PXDNL: variants seen among roughly 807,000 people sequenced by gnomAD.
PXDNL encodes probable oxidoreductase PXDNL.
In PXDNL, 145 loss-of-function variants were observed where a neutral mutation model predicts 150.8. The observed-to-expected ratio is 0.96, with a 90% CI of 0.84 to 1.10. The LOEUF (loss-of-function observed/expected upper bound fraction) is 1.10. PXDNL is among the 50% of genes least tolerant of loss of function. The probability of loss-of-function intolerance (pLI) is 0.00; values close to 1 mark genes in which losing one functional copy is unlikely to be tolerated. For synonymous variants in PXDNL, 757 were observed against 725.7 expected, an observed-to-expected ratio of 1.04 and a Z score of -0.69; for missense variants, 2,087 against 1,873.9, an observed-to-expected ratio of 1.11 and a Z score of -2.10.
Position 51,320,009 on chromosome 8 carries a change from G to A in PXDNL, c.4274C>T (p.Thr1425Ile), listed in dbSNP as rs1805269681. 1 of 1,538,652 alleles carries A rather than the reference G, an allele frequency of 6.5e-7. No homozygotes were observed. Among genetic ancestry groups the A allele is most frequent in the Admixed American group, 2.1e-5 (1 of 48,276 alleles). ...CGGGGGACAAATCTCCACCACACAG[G>A]TGACCTGGCCACTCTGAAAGGCAGC... ...THCICESGQV[T>I]CVVEICPPAP... is the part of the protein sequence containing the mutation. Residue 1425 changes from threonine to isoleucine, a missense_variant, in exon 23 of 23, where the codon ACC becomes ATC. By Grantham distance (89) the Thr-to-Ile change is moderately conservative. Transcript: ENST00000356297.
chr8:51,793,369 A>C (rs1414612377), intron 1 of PXDNL, among the ~76,000 whole-genome samples: 1 of 152,234 alleles, frequency 6.6e-6, no homozygotes, highest in African/African-American at 2.4e-5. Context: ...AATATCACTC[A>C]TGAAGATGAG....
intron 1 of PXDNL, among the ~76,000 whole-genome samples, chr8:51,693,329 A>T (rs533890189): frequency 2.6e-5 from 4 of 152,342 alleles, no homozygotes; most frequent in Admixed American, 1.3e-4. Flanking sequence ...CTACCAGTGT[A>T]TGCTGTCATT....
intron 2 of PXDNL, among the ~76,000 whole-genome samples, chr8:51,642,629 C>T (rs1190063626): frequency 6.6e-6 from 1 of 152,142 alleles, no homozygotes; most frequent in African/African-American, 2.4e-5. Flanking sequence ...TGAAAACTGG[C>T]ACAAGACAGG....
intron 1 of PXDNL, among the ~76,000 whole-genome samples, chr8:51,660,895 A>G (rs903917263): frequency 1.3e-5 from 2 of 152,060 alleles, no homozygotes; most frequent in Admixed American, 6.5e-5. Context: ...CACTCCAATC[A>G]GCCCTGCTCC....
At chr8:51,482,402 A>G (rs1234689845) in intron 6 of PXDNL, among the ~76,000 whole-genome samples, 5 of 152,198 alleles carry the variant, frequency 3.3e-5, no homozygotes, top group African/African-American at 1.2e-4. Context: ...GCTCATAGGC[A>G]GAAGGGACTT....
intron 13 of PXDNL, 93 bp from the exon 14 acceptor site, chr8:51,423,824 G>T (rs1809019976): frequency 8.6e-7 from 1 of 1,163,612 alleles, no homozygotes; most frequent in African/African-American, 1.6e-5. Flanking sequence ...TTATTCAACA[G>T]ATATCTATTG....
chr8:51,700,527 GAC>G (rs1326252745), intron 1 of PXDNL, among the ~76,000 whole-genome samples: 5 of 146,986 alleles, frequency 3.4e-5, no homozygotes, highest in African/African-American at 7.7e-5. Context: ...TATATACACA[GAC>G]ACACACAAAT....
At chr8:51,331,519 C>T (rs1253349240) in intron 21 of PXDNL, among the ~76,000 whole-genome samples, 1 of 152,208 alleles carries the variant, frequency 6.6e-6, no homozygotes, top group Non-Finnish European at 1.5e-5. Context: ...GGCTTACAGA[C>T]ATCACAGGCA....
chr8:51,382,157 A>G (rs1204418500), intron 17 of PXDNL, among the ~76,000 whole-genome samples: 1 of 152,116 alleles, frequency 6.6e-6, no homozygotes, highest in Non-Finnish European at 1.5e-5. Context: ...TATCTTTAAA[A>G]GGGCAGTTTG....
intron 1 of PXDNL, among the ~76,000 whole-genome samples, chr8:51,696,805 T>TCACACACACACA (rs769772282): frequency 1.5e-4 from 4 of 26,424 alleles, no homozygotes; most frequent in African/African-American, 9.6e-4. Flanking sequence ...ACATAGGTCT[T>TCACACACACACA]CACACACACA....
At chr8:51,447,257 C>A in intron 11 of PXDNL, 95 bp from the exon 12 acceptor site, 1 of 1,351,822 alleles carries the variant, frequency 7.4e-7, no homozygotes, top group Non-Finnish European at 1.0e-6. Flanking sequence ...GCCTGTCTTT[C>A]AGGAAATTCT....
At chr8:51,621,440 GTGTGTGTC>G (rs1247230566) in intron 2 of PXDNL, among the ~76,000 whole-genome samples, 125 of 125,078 alleles carry the variant, frequency 1.0e-3, no homozygotes, top group Non-Finnish European at 1.3e-3. Context: ...GAATGAGTGT[GTGTGTGTC>G]TGTGTGTGTG....
At chr8:51,410,185 A>C (rs1381308355) in intron 16 of PXDNL, among the ~76,000 whole-genome samples, 1 of 152,232 alleles carries the variant, frequency 6.6e-6, no homozygotes, top group Non-Finnish European at 1.5e-5. Flanking sequence ...TTTCTGAACT[A>C]CTATAAGCTG....
intron 1 of PXDNL, among the ~76,000 whole-genome samples, chr8:51,700,186 CA>C (rs1563511427): frequency 8.1e-4 from 122 of 151,234 alleles, no homozygotes; most frequent in African/African-American, 2.8e-3. Flanking sequence ...CACACACACA[CA>C]CACACACACC....
intron 11 of PXDNL, among the ~76,000 whole-genome samples, chr8:51,448,456 G>C (rs1809730059): frequency 6.6e-6 from 1 of 152,198 alleles, no homozygotes; most frequent in African/African-American, 2.4e-5. Context: ...TGCAATCCCA[G>C]AACTTTGGGA....
At chr8:51,647,396 G>A (rs1814942058) in intron 2 of PXDNL, among the ~76,000 whole-genome samples, 1 of 152,156 alleles carries the variant, frequency 6.6e-6, no homozygotes, top group Admixed American at 6.6e-5. Context: ...GGTGAGTGAT[G>A]GTAATTGTGC....
intron 1 of PXDNL, among the ~76,000 whole-genome samples, chr8:51,677,491 G>T (rs1258522390): frequency 1.3e-5 from 2 of 152,184 alleles, no homozygotes; most frequent in African/African-American, 2.4e-5. Flanking sequence ...TGCATAAAAT[G>T]ACTCAATCCA....
intron 8 of PXDNL, among the ~76,000 whole-genome samples, chr8:51,460,891 C>A (rs1810062851): frequency 6.6e-6 from 1 of 152,194 alleles, no homozygotes; most frequent in South Asian, 2.1e-4. Flanking sequence ...CTGAGTCACT[C>A]CAGCCCCTGC....
intron 3 of PXDNL, among the ~76,000 whole-genome samples, chr8:51,562,070 T>G (rs1812730992): frequency 1.3e-5 from 2 of 151,696 alleles, no homozygotes; most frequent in South Asian, 4.1e-4. Flanking sequence ...GATTATATAT[T>G]GATATATTGC....
Sources: allele counts gnomAD v4.1 joint callset (sites outside exome capture counted in the v4.1 genomes callset), GRCh38; gene constraint gnomAD v4.1.1; transcripts MANE v1.5; gene names NCBI Gene and HGNC (gene_info 2026-07-23, HGNC 2026-07-21).